NYAP2: variants seen among roughly 807,000 people sequenced by gnomAD.
NYAP2 encodes the protein neuronal tyrosine-phosphorylated phosphoinositide-3-kinase adaptor 2.
Under a neutral mutation model 50.4 loss-of-function variants are expected in NYAP2, and 23 were observed. The ratio of observed to expected loss-of-function variants is 0.46; its 90% CI spans 0.33 to 0.65. NYAP2 has a LOEUF of 0.65. Among genes scored for constraint, NYAP2 ranks in the 30% least tolerant of loss-of-function variants. NYAP2 has a pLI of 0.02. For missense variants in NYAP2, 885 were observed against 861.0 expected (o/e 1.03, Z -0.35); for synonymous variants, 394 against 365.2 (o/e 1.08, Z -0.90).
Position 225,511,381 on chromosome 2 carries a change from G to A in NYAP2, c.222-1990G>A, listed in dbSNP as rs887050281. Among the ~76,000 whole-genome samples, 8 of 150,536 alleles carry A rather than the reference G, an allele frequency of 5.3e-5. No individual in the cohort carries two copies. The East Asian group carries it at 1.4e-3, about 26-fold the overall frequency. On this transcript the variant is annotated intron_variant, in intron 3 of 6. Transcript: ENST00000636099. ...ACACACACACACACACACAGAGAGA[G>A]AGAGAGAGAGAGGATAAAACACATA...
At chr2:225,699,240 A>T in the NYAP2 span, 1 of 151,956 alleles carries the variant, frequency 6.6e-6, no homozygotes, top group Non-Finnish European at 1.5e-5. Flanking sequence ...GTAATAACTA[A>T]GCAATGGTTA....
chr2:225,527,725 G>T (rs1691178037), intron 4 of NYAP2, among the ~76,000 whole-genome samples: 1 of 152,002 alleles, frequency 6.6e-6, no homozygotes, highest in Non-Finnish European at 1.5e-5. Context: ...ATAGCTTATT[G>T]CAGCCTCAAA....
the NYAP2 span, among the ~76,000 whole-genome samples, chr2:225,672,086 T>G: frequency 6.6e-6 from 1 of 152,026 alleles, no homozygotes; most frequent in African/African-American, 2.4e-5. Context: ...TGGCTTCAAC[T>G]TAAAGTCACT....
At chr2:225,438,788 T>G (rs1255643926) in intron 3 of NYAP2, among the ~76,000 whole-genome samples, 1 of 152,228 alleles carries the variant, frequency 6.6e-6, no homozygotes, top group African/African-American at 2.4e-5. Context: ...ATTACACACG[T>G]CATACACCTA....
chr2:225,624,046 T>G (rs1212869310), intron 5 of NYAP2, among the ~76,000 whole-genome samples: 1 of 152,248 alleles, frequency 6.6e-6, no homozygotes, highest in Non-Finnish European at 1.5e-5. Context: ...GGTTTTTCTT[T>G]ACTGCAACAA....
intron 2 of NYAP2, 110 bp from the exon 3 acceptor site, chr2:225,408,754 C>A: frequency 1.7e-6 from 1 of 591,878 alleles, no homozygotes; most frequent in Admixed American, 3.1e-5. Flanking sequence ...ATATTTTCTC[C>A]AATCGGATTT....
At chr2:225,510,426 T>A (rs756549562) in intron 3 of NYAP2, among the ~76,000 whole-genome samples, 24 of 152,356 alleles carry the variant, frequency 1.6e-4, no homozygotes, top group Non-Finnish European at 3.4e-4. Context: ...CCCACAGAGA[T>A]TCTGATTCAA....
chr2:225,601,589 C>G (rs1156321101), intron 5 of NYAP2, among the ~76,000 whole-genome samples: 1 of 152,108 alleles, frequency 6.6e-6, no homozygotes, highest in Non-Finnish European at 1.5e-5. Flanking sequence ...AATACCAATC[C>G]TAATGTGTAT....
chr2:225,566,781 C>A (rs1452382015), intron 4 of NYAP2, among the ~76,000 whole-genome samples: 1 of 152,144 alleles, frequency 6.6e-6, no homozygotes, highest in Non-Finnish European at 1.5e-5. Context: ...GCTCAGCAAT[C>A]CCTAAGTTTT....
chr2:225,656,017 G>T (rs560609866), downstream of NYAP2, among the ~76,000 whole-genome samples: 1 of 151,352 alleles, frequency 6.6e-6, no homozygotes, highest in South Asian at 2.1e-4. Context: ...CTCATGTCAA[G>T]GAATTACAAA....
At chr2:225,480,232 A>T (rs908726023) in intron 3 of NYAP2, among the ~76,000 whole-genome samples, 4 of 152,104 alleles carry the variant, frequency 2.6e-5, no homozygotes, top group African/African-American at 9.6e-5. Flanking sequence ...GTATCATGAC[A>T]GGTGTTATTG....
At chr2:225,546,387 C>T (rs1691585339) in intron 4 of NYAP2, among the ~76,000 whole-genome samples, 1 of 152,106 alleles carries the variant, frequency 6.6e-6, no homozygotes, top group Non-Finnish European at 1.5e-5. Context: ...TAAGCTGGCA[C>T]TCAAACCATG....
downstream of NYAP2, among the ~76,000 whole-genome samples, chr2:225,655,348 G>A (rs1010847760): frequency 4.6e-5 from 7 of 151,994 alleles, no homozygotes; most frequent in African/African-American, 1.7e-4. Context: ...ACTAGACATG[G>A]GGCAATTATA....
intron 4 of NYAP2, among the ~76,000 whole-genome samples, chr2:225,527,017 A>G (rs1691163804): frequency 6.6e-6 from 1 of 152,164 alleles, no homozygotes; most frequent in Admixed American, 6.5e-5. Flanking sequence ...CCTGAGGCTC[A>G]TGAATGAAAC....
intron 4 of NYAP2, among the ~76,000 whole-genome samples, chr2:225,543,765 C>G (rs1422567920): frequency 6.6e-6 from 1 of 151,982 alleles, no homozygotes; most frequent in Non-Finnish European, 1.5e-5. Context: ...CTATAAATAT[C>G]TATGAGGTCT....
At chr2:225,597,129 T>C (rs1692613653) in intron 5 of NYAP2, among the ~76,000 whole-genome samples, 1 of 152,090 alleles carries the variant, frequency 6.6e-6, no homozygotes, top group Non-Finnish European at 1.5e-5. Flanking sequence ...ATCTGCCGTC[T>C]AACAGCTGTT....
At chr2:225,572,294 C>G (rs1692087117) in intron 4 of NYAP2, among the ~76,000 whole-genome samples, 1 of 152,166 alleles carries the variant, frequency 6.6e-6, no homozygotes, top group Non-Finnish European at 1.5e-5. Context: ...TACCAATTTA[C>G]TGTATTAATC....
intron 3 of NYAP2, among the ~76,000 whole-genome samples, chr2:225,505,279 A>G (rs1013315213): frequency 6.6e-6 from 1 of 152,224 alleles, no homozygotes; most frequent in African/African-American, 2.4e-5. Context: ...TATTAGGTGC[A>G]TAAAGTAGAA....
At chr2:225,506,435 G>A (rs1690708383) in intron 3 of NYAP2, among the ~76,000 whole-genome samples, 1 of 152,208 alleles carries the variant, frequency 6.6e-6, no homozygotes, top group Admixed American at 6.5e-5. Context: ...GTCTGACTTT[G>A]AGTTGAGGCA....
Sources: gnomAD v4.1 joint callset for allele counts (sites outside exome capture counted in the v4.1 genomes callset) on GRCh38, gnomAD v4.1.1 for gene constraint, MANE v1.5 for transcripts, NCBI Gene and HGNC (gene_info 2026-07-23, HGNC 2026-07-21) for gene names.